USH2A: variants seen among roughly 807,000 people sequenced by gnomAD.
The protein encoded by USH2A is Usher syndrome 2A (autosomal recessive, mild).
Under a neutral mutation model 538.9 loss-of-function variants are expected in USH2A, and 443 were observed. The ratio of observed to expected loss-of-function variants is 0.82; its 90% CI spans 0.76 to 0.89. USH2A has a LOEUF of 0.89. USH2A is among the 40% of genes least tolerant of loss of function. The pLI is 0.00. For missense variants in USH2A, 6,633 were observed against 6,324.8 expected, an observed-to-expected ratio of 1.05 and a Z score of -1.65; for synonymous variants, 2,413 against 2,273.5, an observed-to-expected ratio of 1.06 and a Z score of -1.75.
intron 47 of USH2A, among the ~76,000 whole-genome samples, chr1:215,821,464 T>G (rs113042941): frequency 6.6e-6 from 1 of 151,744 alleles, no homozygotes; most frequent in Non-Finnish European, 1.5e-5. Context: ...TTTGTTTTTG[T>G]TTTTTGCTTT....
intron 2 of USH2A, among the ~76,000 whole-genome samples, chr1:216,420,680 A>T (rs1352626219): frequency 6.6e-6 from 1 of 152,190 alleles, no homozygotes; most frequent in Non-Finnish European, 1.5e-5. Context: ...TTGTCAAAAG[A>T]CAATGTTTTA....
chr1:215,998,542 C>A (rs754344007), intron 34 of USH2A, among the ~76,000 whole-genome samples: 1 of 151,934 alleles, frequency 6.6e-6, no homozygotes, highest in Non-Finnish European at 1.5e-5. Context: ...AATACAAATG[C>A]CACAGGGAAA....
intron 24 of USH2A, among the ~76,000 whole-genome samples, chr1:216,085,263 C>T (rs932017660): frequency 6.6e-6 from 1 of 152,046 alleles, no homozygotes; most frequent in Non-Finnish European, 1.5e-5. Flanking sequence ...AGTTTAGATT[C>T]CTCATCTATG....
intron 18 of USH2A, 67 bp downstream of exon 18, chr1:216,198,248 A>C: frequency 6.2e-7 from 1 of 1,608,924 alleles, no homozygotes; most frequent in Non-Finnish European, 8.5e-7. Flanking sequence ...CAGTACTTTG[A>C]CTTTAATTTG....
rs144718440 is a variant in USH2A at position 215,759,758 on chromosome 1, G to A, written c.11133C>T (p.Leu3711=). The change falls in exon 57 of 72, where the codon CTC becomes CTT. Residue 3711 remains leucine, a synonymous_variant. Transcript: ENST00000307340. The part of the protein sequence containing the change: ...YWSLPEKPNG[L]VSQYQLSRNG... ...TACGACTCAATTGATATTGAGAAAC[G>A]AGGCCATTGGGCTTTTCTGGCAGAC... is the stretch of plus-strand genomic sequence containing the variant. The A allele has an allele frequency of 3.7e-6, 6 of 1,614,006 alleles. No homozygotes were observed. The highest frequency in any genetic ancestry group is 1.1e-5 in the South Asian group (1 of 91,078).
chr1:215,637,394 G>T (rs896933785), intron 69 of USH2A, among the ~76,000 whole-genome samples: 1 of 152,276 alleles, frequency 6.6e-6, no homozygotes, highest in South Asian at 2.1e-4. Context: ...ATTCCTATGC[G>T]TACTTAACTT....
rs2820671 is a variant in USH2A at position 215,669,570 on chromosome 1, T to C, written c.14133+1402A>G. Among the ~76,000 whole-genome samples, 186 of 152,346 alleles carry C rather than the reference T, an allele frequency of 1.2e-3. 2 individuals carry two copies. In the Middle Eastern group the frequency reaches 0.024, roughly 20 times the overall value. ...AGCAATATTTTTGTAGCAAAACATA[T>C]AAATATTCATATTAAATGGGATAAA... On this transcript the variant is annotated intron_variant, in intron 64 of 71. Transcript: ENST00000307340.
At chr1:215,846,857 A>C (rs1010676832) in intron 44 of USH2A, among the ~76,000 whole-genome samples, 7 of 152,204 alleles carry the variant, frequency 4.6e-5, no homozygotes, top group Non-Finnish European at 1.0e-4. Context: ...GATACCTAGA[A>C]GGATGCTTAG....
chr1:215,855,859 T>C (rs1464626301), intron 44 of USH2A, among the ~76,000 whole-genome samples: 2 of 152,030 alleles, frequency 1.3e-5, no homozygotes, highest in Non-Finnish European at 1.5e-5. Context: ...TGAAACAAAA[T>C]AGAGAACTCA....
chr1:216,235,359 C>A (rs1320525065), intron 13 of USH2A, among the ~76,000 whole-genome samples: 1 of 152,152 alleles, frequency 6.6e-6, no homozygotes, highest in Non-Finnish European at 1.5e-5. Flanking sequence ...CATTCTTAAG[C>A]ATGGTCATTA....
rs1329836987 is a variant in USH2A, at chr1:216,192,847, G to C, written c.4252-2480C>G. ...CATTAAATGATAGCTAGTTTATAAA[G>C]TATAATGTAGTTCCACACCATTAAT... On this transcript the variant is annotated intron_variant, in intron 19 of 71. Coordinates refer to ENST00000307340, the MANE Select transcript of USH2A (RefSeq NM_206933.4). 2.0e-5 allele frequency among the ~76,000 whole-genome samples: 3 copies of C among 152,028 alleles called. No homozygotes were observed. In the East Asian group the frequency reaches 5.8e-4, roughly 29 times the overall value.
At chr1:215,806,549 T>C (rs1194231236) in intron 49 of USH2A, among the ~76,000 whole-genome samples, 1 of 152,118 alleles carries the variant, frequency 6.6e-6, no homozygotes, top group African/African-American at 2.4e-5. Flanking sequence ...AATCTGGCTA[T>C]GCATTTCTTG....
chr1:215,643,276 G>A (rs1315957262), intron 67 of USH2A, among the ~76,000 whole-genome samples: 1 of 152,140 alleles, frequency 6.6e-6, no homozygotes, highest in Admixed American at 6.5e-5. Flanking sequence ...GAGATTACAG[G>A]CGTGAGACAC....
chr1:216,377,097 T>C (rs1047766970), intron 3 of USH2A, among the ~76,000 whole-genome samples: 1 of 152,216 alleles, frequency 6.6e-6, no homozygotes, highest in Non-Finnish European at 1.5e-5. Flanking sequence ...ATTAAAAATA[T>C]GCCTCAAAAA....
At chr1:215,856,218 G>A (rs1664161941) in intron 44 of USH2A, among the ~76,000 whole-genome samples, 2 of 152,166 alleles carry the variant, frequency 1.3e-5, no homozygotes, top group African/African-American at 4.8e-5. Flanking sequence ...CTTCTGCACA[G>A]CAAAAGAAAT....
chr1:215,954,227 G>A (rs1667002994), intron 37 of USH2A, among the ~76,000 whole-genome samples: 1 of 151,944 alleles, frequency 6.6e-6, no homozygotes, highest in Non-Finnish European at 1.5e-5. Context: ...TATACCCAAG[G>A]GATTATAAAT....
chr1:216,406,774 C>T (rs1238355591), intron 3 of USH2A, among the ~76,000 whole-genome samples: 1 of 152,130 alleles, frequency 6.6e-6, no homozygotes, highest in African/African-American at 2.4e-5. Context: ...TTGTATTCAA[C>T]CCAGACACTG....
intron 32 of USH2A, 24 bp downstream of exon 32, chr1:216,046,407 C>A: frequency 1.2e-6 from 2 of 1,612,814 alleles, no homozygotes; most frequent in Middle Eastern, 1.7e-4. Context: ...TATAACAATT[C>A]GCTGATAACT....
At chr1:215,921,736 T>C (rs1666104037) in intron 38 of USH2A, among the ~76,000 whole-genome samples, 1 of 152,082 alleles carries the variant, frequency 6.6e-6, no homozygotes, top group Non-Finnish European at 1.5e-5. Flanking sequence ...CTTTTACTAG[T>C]AAGATGACCT....
Sources: allele counts gnomAD v4.1 joint callset (sites outside exome capture counted in the v4.1 genomes callset), GRCh38; gene constraint gnomAD v4.1.1; transcripts MANE v1.5; gene names NCBI Gene and HGNC (gene_info 2026-07-23, HGNC 2026-07-21).